The following UXS1 variants were observed in gnomAD, a reference collection of about 807,000 sequenced individuals.
UXS1 encodes UDP-glucuronate decarboxylase 1.
In UXS1, 33 loss-of-function variants were observed where a neutral mutation model predicts 62.6. That is an observed-to-expected ratio of 0.53 (90% CI 0.40 to 0.70). UXS1 has a LOEUF of 0.70. Among genes scored for constraint, UXS1 ranks in the 30% least tolerant of loss-of-function variants. The pLI is 0.00. For missense variants in UXS1, 434 were observed against 556.3 expected (o/e 0.78, Z 2.21); for synonymous variants, 213 against 206.8 (o/e 1.03, Z -0.26).
chr2:106,180,256 G>A (rs1281286467), intron 1 of UXS1, among the ~76,000 whole-genome samples: 15 of 152,240 alleles, frequency 9.9e-5, no homozygotes, highest in Admixed American at 9.8e-4. Context: ...ACGGGAAGGT[G>A]AACAGGATTA....
intron 9 of UXS1, among the ~76,000 whole-genome samples, chr2:106,113,027 A>G (rs984612005): frequency 2.6e-5 from 4 of 152,196 alleles, no homozygotes; most frequent in African/African-American, 9.7e-5. Flanking sequence ...TTGGTAGAAA[A>G]CCAGCCAAAC....
intron 1 of UXS1, among the ~76,000 whole-genome samples, chr2:106,189,912 A>G (rs952795901): frequency 8.5e-5 from 13 of 152,248 alleles, no homozygotes; most frequent in Non-Finnish European, 1.9e-4. Context: ...AGAGGGAGTC[A>G]GGAAGAGGAA....
chr2:106,145,948 T>G (rs1280283405), intron 5 of UXS1, among the ~76,000 whole-genome samples: 1 of 152,230 alleles, frequency 6.6e-6, no homozygotes, highest in Non-Finnish European at 1.5e-5. Context: ...ACTGTGTGGT[T>G]AATTTCTGAA....
intron 1 of UXS1, among the ~76,000 whole-genome samples, chr2:106,176,739 T>TG (rs1683905276): frequency 6.6e-6 from 1 of 152,216 alleles, no homozygotes; most frequent in African/African-American, 2.4e-5. Flanking sequence ...AAAGTCAATC[T>TG]GGGGTGCCTG....
intron 9 of UXS1, among the ~76,000 whole-genome samples, chr2:106,113,534 G>C (rs150689869): frequency 1.6e-3 from 240 of 152,246 alleles, no homozygotes; most frequent in African/African-American, 5.4e-3. Flanking sequence ...TGCAATCATG[G>C]AAGTGCATAC....
At chr2:106,189,515 G>A (rs981617123) in intron 1 of UXS1, among the ~76,000 whole-genome samples, 25 of 152,316 alleles carry the variant, frequency 1.6e-4, no homozygotes, top group Non-Finnish European at 1.2e-4. Context: ...CGAAGTGCAG[G>A]CCCAGAAGTG....
intron 9 of UXS1, among the ~76,000 whole-genome samples, chr2:106,122,633 A>G (rs1331254679): frequency 6.6e-6 from 1 of 152,258 alleles, no homozygotes; most frequent in Admixed American, 6.5e-5. Flanking sequence ...TTGATAGAAA[A>G]GTAAAAAAAG....
At chr2:106,104,719 T>C (rs1196752784) in intron 11 of UXS1, 75 bp downstream of exon 11, 12 of 1,572,668 alleles carry the variant, frequency 7.6e-6, no homozygotes, top group Middle Eastern at 1.7e-4. Flanking sequence ...TACAAGACAC[T>C]GAACTGTCTG....
intron 9 of UXS1, among the ~76,000 whole-genome samples, chr2:106,113,212 G>A (rs1356548824): frequency 6.6e-6 from 1 of 152,160 alleles, no homozygotes. Context: ...TAGCTAGGGA[G>A]AAATACAAGA....
chr2:106,181,246 C>G (rs576366817), intron 1 of UXS1, among the ~76,000 whole-genome samples: 5 of 152,150 alleles, frequency 3.3e-5, no homozygotes, highest in South Asian at 4.1e-4. Context: ...TCTTCTTCCC[C>G]GCTGCCAATC....
At position 106,100,807 on chromosome 2, in the gene UXS1, A is replaced by G. The variant is rs1000761222; in HGVS notation, c.984+251T>C. The G allele has an allele frequency of 8.0e-6, 4 of 502,902 alleles. No homozygotes were observed. In the Admixed American group the frequency reaches 1.1e-4, roughly 14 times the overall value. The allele number at this position is 502,902 out of a possible 1,614,324, so 31.2% of individuals were successfully genotyped here. On this transcript the variant is annotated intron_variant, in intron 12 of 14. Coordinates refer to ENST00000283148, the MANE Select transcript of UXS1 (RefSeq NM_001253875.2). Reference sequence around the variant, plus strand: ...TACTACCACCAAAAGGCTTCACACAATCTTAGACCCAGGCCCTTCAGAAGG... The same window carrying G: ...TACTACCACCAAAAGGCTTCACACAGTCTTAGACCCAGGCCCTTCAGAAGG...
intron 1 of UXS1, among the ~76,000 whole-genome samples, chr2:106,167,020 T>A (rs1476020505): frequency 6.6e-6 from 1 of 152,176 alleles, no homozygotes; most frequent in Non-Finnish European, 1.5e-5. Flanking sequence ...GGGAGTGCCA[T>A]CCTTTCTCAG....
chr2:106,168,684 T>C (rs968671064), intron 1 of UXS1, among the ~76,000 whole-genome samples: 2 of 152,206 alleles, frequency 1.3e-5, no homozygotes, highest in African/African-American at 2.4e-5. Flanking sequence ...ATGGCCTTAT[T>C]TATAATCACA....
At position 106,104,888 on chromosome 2, in the gene UXS1, C is replaced by A; in HGVS notation, c.880-51G>T. ...TCCTGATAAAACCACACCCGTCCTG[C>A]GTAGGTGTCCTTGAAACTCCAGGGG... On this transcript the variant is annotated intron_variant, in intron 10 of 14. Transcript: ENST00000283148. 2.5e-6 allele frequency: 4 copies of A among 1,610,506 alleles called. No homozygotes were observed. The South Asian group carries it at 3.3e-5, about 13-fold the overall frequency.
At chr2:106,128,660 C>T (rs1293723770) in intron 7 of UXS1, among the ~76,000 whole-genome samples, 2 of 152,186 alleles carry the variant, frequency 1.3e-5, no homozygotes, top group African/African-American at 2.4e-5. Context: ...AGAAGGCAGA[C>T]GGTGGGACTT....
intron 1 of UXS1, among the ~76,000 whole-genome samples, chr2:106,193,102 G>C (rs899242363): frequency 1.8e-4 from 27 of 152,070 alleles, no homozygotes; most frequent in African/African-American, 6.5e-4. Flanking sequence ...TCCACCTCCT[G>C]AACAGCTGGG....
intron 6 of UXS1, among the ~76,000 whole-genome samples, chr2:106,141,080 C>A (rs1379072449): frequency 6.6e-6 from 1 of 152,198 alleles, no homozygotes; most frequent in Non-Finnish European, 1.5e-5. Flanking sequence ...GATCCAACAA[C>A]ACAGGACTAA....
In UXS1 at chr2:106,123,306, AAAAAAG is replaced by A. The variant is rs548491148; in HGVS notation, c.638-221_638-216del. Among the ~76,000 whole-genome samples, 25 of 152,282 alleles carry A rather than the reference AAAAAAG, an allele frequency of 1.6e-4. No individual in the cohort carries two copies. The South Asian group carries it at 5.2e-3, about 32-fold the overall frequency. On this transcript the variant is annotated intron_variant, in intron 8 of 14. Coordinates refer to ENST00000283148, the MANE Select transcript of UXS1 (RefSeq NM_001253875.2). ...CAATATTTTACTTACAGGGGAAAAAAAAAAAGAAAAAGATCAGGTCTCCCAATTTTA... is the reference window on the plus strand; with the variant it reads ...CAATATTTTACTTACAGGGGAAAAAAAAAAAGATCAGGTCTCCCAATTTTA...
At chr2:106,106,518 T>TG (rs1378487839) in intron 10 of UXS1, among the ~76,000 whole-genome samples, 2 of 152,144 alleles carry the variant, frequency 1.3e-5, no homozygotes, top group African/African-American at 4.8e-5. Flanking sequence ...GTTCTGTTCT[T>TG]GGGGGGAAGG....
Sources: allele counts gnomAD v4.1 joint callset (sites outside exome capture counted in the v4.1 genomes callset), GRCh38; gene constraint gnomAD v4.1.1; transcripts MANE v1.5; gene names NCBI Gene and HGNC (gene_info 2026-07-23, HGNC 2026-07-21).